LRBA: variants seen among roughly 807,000 people sequenced by gnomAD.
LRBA encodes lipopolysaccharide-responsive and beige-like anchor protein.
LRBA carries 176 observed loss-of-function variants against 330.0 expected under a neutral mutation model. The ratio of observed to expected loss-of-function variants is 0.53; its 90% CI spans 0.47 to 0.60. The LOEUF is 0.60. Among genes scored for constraint, LRBA ranks in the 20% least tolerant of loss-of-function variants. The probability of loss-of-function intolerance (pLI) is 0.00; values close to 1 mark genes in which losing one functional copy is unlikely to be tolerated. For missense variants in LRBA, 3,259 were observed against 3,444.8 expected, an observed-to-expected ratio of 0.95 and a Z score of 1.35; for synonymous variants, 1,230 against 1,193.0, an observed-to-expected ratio of 1.03 and a Z score of -0.64.
At chr4:150,497,782 G>A (rs1759766050) in intron 40 of LRBA, among the ~76,000 whole-genome samples, 2 of 152,156 alleles carry the variant, frequency 1.3e-5, no homozygotes, top group Non-Finnish European at 2.9e-5. Flanking sequence ...CAAGAGGGGA[G>A]CCTACAAACA....
chr4:150,868,151 CTGCAAAT>C (rs748550377), intron 21 of LRBA, 24 bp downstream of exon 21: 2 of 1,580,356 alleles, frequency 1.3e-6, no homozygotes, highest in African/African-American at 2.7e-5. Flanking sequence ...CATTTGAATA[CTGCAAAT>C]AAATGCTTTC....
At chr4:150,291,090 A>G (rs1407669590) in intron 53 of LRBA, among the ~76,000 whole-genome samples, 9 of 134,502 alleles carry the variant, frequency 6.7e-5, no homozygotes, top group African/African-American at 8.3e-5. Context: ...ATATCTCCCA[A>G]TGCTATCCCT....
intron 47 of LRBA, among the ~76,000 whole-genome samples, chr4:150,400,090 G>A (rs918490508): frequency 3.3e-5 from 5 of 152,202 alleles, no homozygotes; most frequent in African/African-American, 7.2e-5. Flanking sequence ...TTTTAGAGAA[G>A]TGTACATTGT....
At chr4:150,962,965 A>G (rs897301477) in intron 2 of LRBA, among the ~76,000 whole-genome samples, 9 of 146,946 alleles carry the variant, frequency 6.1e-5, no homozygotes, top group Non-Finnish European at 7.4e-5. Flanking sequence ...AAAAAATAAT[A>G]AATAAAATTT....
intron 41 of LRBA, among the ~76,000 whole-genome samples, chr4:150,489,255 T>TACATATACGA (rs1758423813): frequency 2.9e-5 from 3 of 103,684 alleles, no homozygotes; most frequent in African/African-American, 8.0e-5. Flanking sequence ...TATAATATAT[T>TACATATACGA]ATATATAAGA....
At chr4:150,485,644 T>C (rs1380636452) in intron 42 of LRBA, among the ~76,000 whole-genome samples, 1 of 151,840 alleles carries the variant, frequency 6.6e-6, no homozygotes, top group Non-Finnish European at 1.5e-5. Context: ...GAGACCGGCC[T>C]GGAACAGATC....
At position 150,321,349 on chromosome 4, in the gene LRBA, T is replaced by A; in HGVS notation, c.7472A>T (p.Asp2491Val). 1 of 1,601,594 alleles carries A rather than the reference T, an allele frequency of 6.2e-7. No homozygotes were observed. The highest frequency in any genetic ancestry group is 8.5e-7 in the Non-Finnish European group (1 of 1,176,038). ...AMQVSPLMFT[D>V]KAQQDVIMVL... ...CATGATAACATCCTGCTGGGCTTTG[T>A]CTGTGAACATCAATGGACTCTGCAG... is the stretch of plus-strand genomic sequence containing the variant. The change falls in exon 50 of 57, where the codon GAC becomes GTC. Residue 2491 changes from aspartate (D) to valine (V), a missense_variant. Physicochemically the swap from Asp to Val is radical, Grantham distance 152 (BLOSUM62 -3). Coordinates refer to ENST00000651943, the MANE Select transcript of LRBA (RefSeq NM_001364905.1). The surrounding 1 kb of genome is among the most constrained non-coding windows in gnomAD (Gnocchi z 4.5).
chr4:150,688,778 G>A (rs557819571), intron 36 of LRBA, among the ~76,000 whole-genome samples: 19 of 152,122 alleles, frequency 1.2e-4, no homozygotes, highest in African/African-American at 2.4e-4. Context: ...TTAGAATGGC[G>A]ATCATTAAAA....
At chr4:150,741,726 CAA>C (rs1195575883) in intron 35 of LRBA, among the ~76,000 whole-genome samples, 3 of 152,050 alleles carry the variant, frequency 2.0e-5, no homozygotes, top group Non-Finnish European at 2.9e-5. Context: ...ATTTCACTAA[CAA>C]TATGAATTTC....
chr4:150,770,226 A>G (rs1736367531), intron 34 of LRBA, among the ~76,000 whole-genome samples: 1 of 152,094 alleles, frequency 6.6e-6, no homozygotes. Context: ...GACTTACACC[A>G]TTGGTTTTCC....
chr4:150,493,996 A>T (rs1307234309), intron 40 of LRBA, among the ~76,000 whole-genome samples: 1 of 152,160 alleles, frequency 6.6e-6, no homozygotes, highest in African/African-American at 2.4e-5. Context: ...AGATGGGAAC[A>T]TCACTCAAGC....
At chr4:150,418,346 C>T (rs1403583848) in intron 46 of LRBA, among the ~76,000 whole-genome samples, 2 of 152,072 alleles carry the variant, frequency 1.3e-5, no homozygotes, top group Admixed American at 6.6e-5. Flanking sequence ...ATATTGACAC[C>T]TTAACCTAAA....
chr4:150,812,378 CT>C (rs1332427344), intron 31 of LRBA, among the ~76,000 whole-genome samples: 3 of 152,136 alleles, frequency 2.0e-5, no homozygotes, highest in Non-Finnish European at 4.4e-5. Context: ...AATATATCAT[CT>C]GTCTAGCATC....
At chr4:150,348,229 A>G (rs148494584) in intron 48 of LRBA, among the ~76,000 whole-genome samples, 64 of 152,346 alleles carry the variant, frequency 4.2e-4, no homozygotes, top group Non-Finnish European at 2.9e-5. Context: ...AGTGACTCAT[A>G]GAGGAAATAA....
At chr4:150,355,108 AAC>A (rs1233783093) in intron 47 of LRBA, among the ~76,000 whole-genome samples, 1 of 152,014 alleles carries the variant, frequency 6.6e-6, no homozygotes, top group Non-Finnish European at 1.5e-5. Context: ...AAAATGTGAT[AAC>A]ATATAGAAAC....
At chr4:150,993,836 T>C (rs1035560201) in intron 2 of LRBA, among the ~76,000 whole-genome samples, 1 of 152,048 alleles carries the variant, frequency 6.6e-6, no homozygotes, top group African/African-American at 2.4e-5. Flanking sequence ...ATGGGAATTA[T>C]GGGAGTACAA....
chr4:150,350,551 G>C (rs888679165), intron 47 of LRBA, among the ~76,000 whole-genome samples: 1 of 139,856 alleles, frequency 7.2e-6, no homozygotes, highest in African/African-American at 2.6e-5. Flanking sequence ...GCCTGGAAAA[G>C]AGCGAAACTC....
Position 150,374,584 on chromosome 4 carries a change from C to T in LRBA, c.7195-24425G>A, listed in dbSNP as rs148560970. 1.7e-4 allele frequency among the ~76,000 whole-genome samples: 26 copies of T among 152,206 alleles called. No homozygotes were observed. The East Asian group carries it at 4.1e-3, about 24-fold the overall frequency. On this transcript the variant is annotated intron_variant, in intron 47 of 56. Transcript: ENST00000651943. ...ATACCTAATCCAAAAATTCAAAATA[C>T]GAAATGCTCCAAAGTCTGAAATTTT...
chr4:150,838,611 G>A (rs1017166954), intron 28 of LRBA, among the ~76,000 whole-genome samples: 3 of 152,224 alleles, frequency 2.0e-5, no homozygotes, highest in South Asian at 2.1e-4. Context: ...CATTTGTCAC[G>A]TAGTACTTGT....
Sources: gnomAD v4.1 joint callset for allele counts (sites outside exome capture counted in the v4.1 genomes callset) on GRCh38, gnomAD v4.1.1 for gene constraint, Gnocchi (gnomAD v3.1) non-coding constraint, MANE v1.5 for transcripts, NCBI Gene and HGNC (gene_info 2026-07-23, HGNC 2026-07-21) for gene names.